KIF6: variants seen among roughly 807,000 people sequenced by gnomAD.
KIF6 encodes kinesin family member 6.
A neutral mutation model predicts 112.7 loss-of-function variants in KIF6; 106 were observed. That is an observed-to-expected ratio of 0.94 (90% CI 0.80 to 1.11). The LOEUF is 1.11. KIF6 is among the 50% of genes least tolerant of loss of function. KIF6 has a pLI of 0.00. For missense variants in KIF6, 929 were observed against 964.0 expected, an observed-to-expected ratio of 0.96 and a Z score of 0.48; for synonymous variants, 339 against 339.9, an observed-to-expected ratio of 1.00 and a Z score of 0.03.
intron 5 of KIF6, among the ~76,000 whole-genome samples, chr6:39,630,962 T>C (rs372306039): frequency 6.6e-6 from 1 of 152,080 alleles, no homozygotes; most frequent in Admixed American, 6.6e-5. Context: ...GTTCATGCCA[T>C]GGACTACATT....
intron 3 of KIF6, among the ~76,000 whole-genome samples, chr6:39,648,022 ACTTT>A (rs1785263618): frequency 7.7e-6 from 1 of 129,208 alleles, no homozygotes; most frequent in African/African-American, 2.9e-5. Flanking sequence ...ATGTTTTTTA[ACTTT>A]CTTTTTTTTT....
intron 15 of KIF6, among the ~76,000 whole-genome samples, chr6:39,418,209 AGTTTT>A (rs1770073683): frequency 6.6e-6 from 1 of 152,128 alleles, no homozygotes; most frequent in Admixed American, 6.6e-5. Flanking sequence ...CCTAACTCCC[AGTTTT>A]TCTCATGCAG....
chr6:39,711,094 AG>A (rs1789523975), intron 3 of KIF6, among the ~76,000 whole-genome samples: 1 of 150,568 alleles, frequency 6.6e-6, no homozygotes, highest in African/African-American at 2.4e-5. Flanking sequence ...TAAAAAAAAA[AG>A]AAAGAATTTT....
chr6:39,717,513 A>G (rs1789927374), intron 2 of KIF6, among the ~76,000 whole-genome samples: 1 of 152,048 alleles, frequency 6.6e-6, no homozygotes, highest in African/African-American at 2.4e-5. Flanking sequence ...TAAATGTTGC[A>G]ACCATTCCTC....
intron 12 of KIF6, among the ~76,000 whole-genome samples, chr6:39,544,152 G>A (rs1477486856): frequency 1.3e-5 from 2 of 152,174 alleles, no homozygotes; most frequent in South Asian, 4.1e-4. Flanking sequence ...GCCATGGTGA[G>A]TCTGTGGTCA....
chr6:39,429,728 GA>G (rs1187773285), intron 14 of KIF6, among the ~76,000 whole-genome samples: 1 of 152,108 alleles, frequency 6.6e-6, no homozygotes, highest in Non-Finnish European at 1.5e-5. Context: ...CTAACACAGT[GA>G]AACCCCGTCT....
intron 8 of KIF6, among the ~76,000 whole-genome samples, chr6:39,585,980 T>C (rs952451974): frequency 1.9e-4 from 29 of 152,330 alleles, no homozygotes; most frequent in Admixed American, 1.6e-3. Flanking sequence ...TTGGGTGACA[T>C]TGCCAACCCA....
At chr6:39,395,356 G>A (rs1353028300) in intron 15 of KIF6, among the ~76,000 whole-genome samples, 1 of 152,228 alleles carries the variant, frequency 6.6e-6, no homozygotes, top group Non-Finnish European at 1.5e-5. Context: ...ACGTGGAGAT[G>A]CAAGTAGGTG....
At chr6:39,390,718 C>A (rs77289488) in intron 15 of KIF6, among the ~76,000 whole-genome samples, 8,490 of 152,150 alleles carry the variant, frequency 0.056, 305 homozygotes, top group African/African-American at 0.1. Context: ...AGTTGTAGAA[C>A]TGGGGTGTGG....
chr6:39,576,672 T>C (rs2150634597), intron 10 of KIF6, among the ~76,000 whole-genome samples: 1 of 152,302 alleles, frequency 6.6e-6, no homozygotes, highest in Admixed American at 6.5e-5. Context: ...GTCTAGCTTC[T>C]GCCTGTCAGC....
intron 16 of KIF6, among the ~76,000 whole-genome samples, chr6:39,365,616 G>A (rs1035515318): frequency 3.3e-5 from 5 of 152,214 alleles, no homozygotes; most frequent in African/African-American, 1.2e-4. Flanking sequence ...GACTTTCAAT[G>A]GACAAACAAT....
At chr6:39,617,705 T>G in intron 5 of KIF6, 1 of 454,838 alleles carries the variant, frequency 2.2e-6, no homozygotes, top group Non-Finnish European at 4.4e-6. Context: ...GAGGTGCCTT[T>G]TAATAAGTGA....
In KIF6 at chr6:39,481,558, C is replaced by T. The variant is rs75671185; in HGVS notation, c.1646-50397G>A. On this transcript the variant is annotated intron_variant, in intron 13 of 22. Transcript: ENST00000287152. ...CTCCAATTTCTCTTATAAATCCTTG[C>T]CAGACTAATCTTCCCAAATACCTTG... is the stretch of plus-strand genomic sequence containing the variant. Among the ~76,000 whole-genome samples the T allele has an allele frequency of 3.2e-3, 489 of 152,224 alleles. 2 individuals carry two copies. Among genetic ancestry groups the T allele is most frequent in the African/African-American group, 0.011 (453 of 41,536 alleles).
intron 19 of KIF6, among the ~76,000 whole-genome samples, chr6:39,346,958 AT>A (rs1308569669): frequency 2.2e-4 from 33 of 152,268 alleles, no homozygotes; most frequent in African/African-American, 7.7e-4. Context: ...CTACACAGTA[AT>A]TTTCATTGTT....
chr6:39,713,794 CTG>C (rs1397386767), intron 3 of KIF6, among the ~76,000 whole-genome samples: 1 of 152,088 alleles, frequency 6.6e-6, no homozygotes, highest in Non-Finnish European at 1.5e-5. Flanking sequence ...ATGAAGGAGA[CTG>C]TATTAAAAAG....
In KIF6 at chr6:39,460,478, A is replaced by G. The variant is rs992423654; in HGVS notation, c.1646-29317T>C. Among the ~76,000 whole-genome samples the G allele has an allele frequency of 2.1e-5, 3 of 141,392 alleles. No homozygotes were observed. The East Asian group carries it at 6.1e-4, about 29-fold the overall frequency. 92.8% of individuals were successfully genotyped at this position (141,392 alleles called of 152,430 possible). A position where few individuals can be genotyped will look rare whatever the true frequency, so the allele number is the denominator to read the frequency against. On this transcript the variant is annotated intron_variant, in intron 13 of 22. Coordinates refer to ENST00000287152, the MANE Select transcript of KIF6 (RefSeq NM_145027.6). ...AGCATGGCACATGTATACATATGTA[A>G]CTAACCTGCACAATGTGCACATGTA...
chr6:39,557,734 C>A (rs968228190), intron 10 of KIF6, among the ~76,000 whole-genome samples: 1 of 151,654 alleles, frequency 6.6e-6, no homozygotes, highest in Non-Finnish European at 1.5e-5. Flanking sequence ...TATAGAAAGC[C>A]CATAGAACCT....
chr6:39,436,287 C>T (rs1256614645), intron 13 of KIF6, among the ~76,000 whole-genome samples: 1 of 151,924 alleles, frequency 6.6e-6, no homozygotes, highest in Non-Finnish European at 1.5e-5. Flanking sequence ...GCATAGTTTG[C>T]AAATATTTTC....
chr6:39,588,716 CG>C (rs1402173235), intron 7 of KIF6, among the ~76,000 whole-genome samples: 2 of 152,148 alleles, frequency 1.3e-5, no homozygotes, highest in Admixed American at 1.3e-4. Context: ...AACATCAACC[CG>C]GTTGCTCAAG....
Sources: gnomAD v4.1 joint callset for allele counts (sites outside exome capture counted in the v4.1 genomes callset) on GRCh38, gnomAD v4.1.1 for gene constraint, MANE v1.5 for transcripts, NCBI Gene and HGNC (gene_info 2026-07-23, HGNC 2026-07-21) for gene names.